TCF4: variants seen among roughly 807,000 people sequenced by gnomAD.
TCF4 encodes the protein SL3-3 enhancer factor 2.
Under a neutral mutation model 82.1 loss-of-function variants are expected in TCF4, and 3 were observed. That is an observed-to-expected ratio of 0.04 (90% CI 0.02 to 0.09). The LOEUF is 0.09. TCF4 is among the 10% of genes least tolerant of loss of function. The probability of loss-of-function intolerance (pLI) is 1.00; values close to 1 mark genes in which losing one functional copy is unlikely to be tolerated. For synonymous variants in TCF4, 276 were observed against 309.6 expected, an observed-to-expected ratio of 0.89 and a Z score of 1.14; for missense variants, 518 against 852.7, an observed-to-expected ratio of 0.61 and a Z score of 4.89.
intron 8 of TCF4, among the ~76,000 whole-genome samples, chr18:55,338,009 A>G (rs1248349040): frequency 5.3e-5 from 8 of 151,906 alleles, no homozygotes; most frequent in Non-Finnish European, 1.5e-5. Context: ...ACTCTCACCC[A>G]TGTTAAAAAA....
At chr18:55,469,800 T>C (rs1186511951) in intron 3 of TCF4, 1 of 152,232 alleles carries the variant, frequency 6.6e-6, no homozygotes, top group East Asian at 1.9e-4. Context: ...CTCATTTTTG[T>C]GAACTACGAA....
chr18:55,617,778 A>G (rs2097713587), intron 2 of TCF4, among the ~76,000 whole-genome samples: 1 of 150,124 alleles, frequency 6.7e-6, no homozygotes, highest in African/African-American at 2.5e-5. Context: ...CTGCTTTTGT[A>G]TCCTGAAACT....
At chr18:55,459,185 A>G (rs1348301053) in intron 5 of TCF4, among the ~76,000 whole-genome samples, 1 of 152,192 alleles carries the variant, frequency 6.6e-6, no homozygotes, top group African/African-American at 2.4e-5. Context: ...CAAAGCTGAC[A>G]TGGATTTGCA....
At chr18:55,411,113 C>T (rs2094327423) in intron 5 of TCF4, among the ~76,000 whole-genome samples, 1 of 152,136 alleles carries the variant, frequency 6.6e-6, no homozygotes, top group African/African-American at 2.4e-5. Context: ...ATGGGGATAA[C>T]TTAGCTGTTT....
chr18:55,434,643 GGTCTCA>G (rs996492288), intron 5 of TCF4, among the ~76,000 whole-genome samples: 3 of 150,752 alleles, frequency 2.0e-5, no homozygotes, highest in African/African-American at 7.3e-5. Flanking sequence ...TAGCCAGGAT[GGTCTCA>G]GTCTCCTGAC....
At chr18:55,562,632 A>T (rs2097365028) in intron 3 of TCF4, among the ~76,000 whole-genome samples, 1 of 152,160 alleles carries the variant, frequency 6.6e-6, no homozygotes, top group Non-Finnish European at 1.5e-5. Flanking sequence ...GGCACACCCT[A>T]CCAGTCCAAT....
chr18:55,301,788 TAAA>T (rs10652622), intron 8 of TCF4, among the ~76,000 whole-genome samples: 2 of 56,320 alleles, frequency 3.6e-5, no homozygotes, highest in South Asian at 1.4e-3. Context: ...CCAAAAACTG[TAAA>T]AAAAAAAAAA....
chr18:55,559,602 G>C (rs1397152844), intron 3 of TCF4, among the ~76,000 whole-genome samples: 1 of 148,898 alleles, frequency 6.7e-6, no homozygotes, highest in Non-Finnish European at 1.5e-5. Context: ...ACTTGTAGCT[G>C]TCAAAAATGT....
chr18:55,586,560 A>G (rs1354876105), intron 2 of TCF4, among the ~76,000 whole-genome samples: 1 of 152,246 alleles, frequency 6.6e-6, no homozygotes, highest in Non-Finnish European at 1.5e-5. Context: ...AGATGTAACT[A>G]GGAGGTAAGA....
chr18:55,432,079 A>T (rs981533363), intron 5 of TCF4, among the ~76,000 whole-genome samples: 6 of 152,204 alleles, frequency 3.9e-5, no homozygotes, highest in African/African-American at 1.4e-4. Context: ...AGGTGGATGG[A>T]TCACTTGAAG....
rs555956714 is a variant in TCF4, at chr18:55,281,734, T to C, written c.550-2078A>G. 1.5e-4 allele frequency among the ~76,000 whole-genome samples: 23 copies of C among 151,810 alleles called. No individual in the cohort carries two copies. The South Asian group carries it at 4.0e-3, about 26-fold the overall frequency. On this transcript the variant is annotated intron_variant, in intron 8 of 19. Coordinates refer to ENST00000354452, the MANE Select transcript of TCF4 (RefSeq NM_001083962.2). ...TTTCTTTTTTTTTTTCCAATTTGGA[T>C]AGAATTACTTGGCATTGCTTTTGGA...
chr18:55,452,216 T>G (rs1409546424), intron 5 of TCF4, among the ~76,000 whole-genome samples: 1 of 152,182 alleles, frequency 6.6e-6, no homozygotes, highest in African/African-American at 2.4e-5. Flanking sequence ...TGGACAAAAG[T>G]TGGATCCAGC....
chr18:55,580,742 A>ATGTGTGTG lies in TCF4; in HGVS notation c.145+4530_145+4537dup, dbSNP rs5825144. Reference sequence around the variant, plus strand: ...TAATCTTGCAAAAATGAGCTGTCTGATGTGTGTGTGTGTGTGTGTGTGTGT... The same window carrying ATGTGTGTG: ...TAATCTTGCAAAAATGAGCTGTCTGATGTGTGTGTGTGTGTGTGTGTGTGTGTGTGTGT... On this transcript the variant is annotated intron_variant, in intron 3 of 19. Coordinates refer to ENST00000354452, the MANE Select transcript of TCF4 (RefSeq NM_001083962.2). Among the ~76,000 whole-genome samples, 1,168 of 145,362 alleles carry ATGTGTGTG rather than the reference A, an allele frequency of 8.0e-3. 22 individuals are homozygous for ATGTGTGTG. Among genetic ancestry groups the ATGTGTGTG allele is most frequent in the African/African-American group, 0.02 (807 of 39,496 alleles).
At chr18:55,283,429 A>T (rs2063026267) in intron 8 of TCF4, among the ~76,000 whole-genome samples, 1 of 152,208 alleles carries the variant, frequency 6.6e-6, no homozygotes, top group Non-Finnish European at 1.5e-5. Context: ...TGGTCTTGGC[A>T]TATCGGTTTC....
chr18:55,350,995 G>A lies in TCF4; in HGVS notation c.378C>T (p.Leu126=). Residue 126 remains leucine (L), a synonymous_variant, in exon 7 of 20, where the codon CTC becomes CTT. Transcript: ENST00000354452. ...TGCCCATATCCATGTCACCTCCAAG[G>A]AGACTCTGCTAAAAGGTTAAAAAGG... The part of the protein sequence containing the change: ...SNLQGCHQQS[L]LGGDMDMGNP... 6.2e-7 allele frequency: 1 copy of A among 1,613,256 alleles called. No individual in the cohort carries two copies. The highest frequency in any genetic ancestry group is 8.5e-7 in the Non-Finnish European group (1 of 1,179,394).
intron 5 of TCF4, among the ~76,000 whole-genome samples, chr18:55,424,027 C>A (rs1186688393): frequency 6.6e-6 from 1 of 152,090 alleles, no homozygotes; most frequent in African/African-American, 2.4e-5. Context: ...CCATCAGAAT[C>A]GCTTTTCTAA....
intron 3 of TCF4, among the ~76,000 whole-genome samples, chr18:55,576,447 A>G (rs2097528815): frequency 6.6e-6 from 1 of 152,186 alleles, no homozygotes; most frequent in Admixed American, 6.5e-5. Context: ...ACGGCAACCA[A>G]GACAGGGGTT....
chr18:55,463,412 T>C (rs991935515), intron 4 of TCF4, among the ~76,000 whole-genome samples: 2 of 152,188 alleles, frequency 1.3e-5, no homozygotes, highest in Non-Finnish European at 2.9e-5. Context: ...TCTTATTCCA[T>C]GGTCTTCCTA....
intron 5 of TCF4, among the ~76,000 whole-genome samples, chr18:55,415,007 T>G (rs2094476938): frequency 6.6e-6 from 1 of 152,212 alleles, no homozygotes; most frequent in African/African-American, 2.4e-5. Context: ...AGGGATTACC[T>G]ACCACATCCA....
Sources: gnomAD v4.1 joint callset for allele counts (sites outside exome capture counted in the v4.1 genomes callset) on GRCh38, gnomAD v4.1.1 for gene constraint, MANE v1.5 for transcripts, NCBI Gene and HGNC (gene_info 2026-07-23, HGNC 2026-07-21) for gene names.